Variants in HCRTR2 observed in about 807,000 individuals in gnomAD.
HCRTR2 encodes orexin receptor type 2.
A neutral mutation model predicts 49.0 loss-of-function variants in HCRTR2; 22 were observed. The ratio of observed to expected loss-of-function variants is 0.45; its 90% CI spans 0.32 to 0.64. The LOEUF (loss-of-function observed/expected upper bound fraction) is 0.64, where lower values mean the gene tolerates loss of function less well. HCRTR2 is among the 30% of genes least tolerant of loss of function. The probability of loss-of-function intolerance (pLI) is 0.04; values close to 1 mark genes in which losing one functional copy is unlikely to be tolerated. For missense variants in HCRTR2, 491 were observed against 559.4 expected (o/e 0.88, Z 1.23); for synonymous variants, 236 against 205.3 (o/e 1.15, Z -1.28).
At chr6:55,126,715 TGG>T (rs1457088875) in intron 1 of HCRTR2, among the ~76,000 whole-genome samples, 33 of 80,234 alleles carry the variant, frequency 4.1e-4, no homozygotes, top group Non-Finnish European at 1.1e-3. Flanking sequence ...CCCAGGGAGA[TGG>T]CGTTTTATCT....
chr6:55,208,322 A>AAAT (rs1193742834), intron 1 of HCRTR2, among the ~76,000 whole-genome samples: 12 of 146,504 alleles, frequency 8.2e-5, no homozygotes, highest in Middle Eastern at 6.9e-3. Flanking sequence ...CGAAAAATAA[A>AAAT]AAAATAAAAA....
At chr6:55,108,154 T>C (rs1763999769) in intron 1 of HCRTR2, among the ~76,000 whole-genome samples, 1 of 152,138 alleles carries the variant, frequency 6.6e-6, no homozygotes, top group African/African-American at 2.4e-5. Context: ...TCCTATATGA[T>C]AATCAGTGGT....
At chr6:55,222,612 G>GA (rs2127296498) in intron 1 of HCRTR2, among the ~76,000 whole-genome samples, 1 of 152,046 alleles carries the variant, frequency 6.6e-6, no homozygotes, top group Admixed American at 6.5e-5. Flanking sequence ...TACAAAAGAA[G>GA]AAAATCTTAT....
chr6:55,261,338 A>C (rs1766751923), intron 3 of HCRTR2, among the ~76,000 whole-genome samples: 2 of 152,198 alleles, frequency 1.3e-5, no homozygotes, highest in Non-Finnish European at 2.9e-5. Flanking sequence ...ATATGAAAAA[A>C]TGTTCAGTAT....
intron 3 of HCRTR2, among the ~76,000 whole-genome samples, chr6:55,260,481 C>T (rs528637083): frequency 6.6e-6 from 1 of 152,224 alleles, no homozygotes; most frequent in African/African-American, 2.4e-5. Context: ...AACTGGCCTG[C>T]TTTACAGGAT....
chr6:55,163,326 T>C (rs1027886227), intron 1 of HCRTR2, among the ~76,000 whole-genome samples: 2 of 152,136 alleles, frequency 1.3e-5, no homozygotes, highest in South Asian at 2.1e-4. Flanking sequence ...AAAACAATCC[T>C]AAGCAAAAAG....
intron 1 of HCRTR2, among the ~76,000 whole-genome samples, chr6:55,159,024 G>A (rs1764768164): frequency 6.6e-6 from 1 of 152,172 alleles, no homozygotes; most frequent in Admixed American, 6.5e-5. Flanking sequence ...ACACCGCACA[G>A]CAAGGGTCGA....
chr6:55,231,961 T>C lies in HCRTR2; in HGVS notation c.224-16678T>C, dbSNP rs565307229. ...TCCATCCACCTCACTCCTCCTGCTGTGATCAGTCTCTCCGTTTTTGTTCAT... is the reference window on the plus strand; with the variant it reads ...TCCATCCACCTCACTCCTCCTGCTGCGATCAGTCTCTCCGTTTTTGTTCAT... On this transcript the variant is annotated intron_variant, in intron 1 of 6. Coordinates refer to ENST00000370862, the MANE Select transcript of HCRTR2 (RefSeq NM_001384272.1). Among the ~76,000 whole-genome samples the C allele has an allele frequency of 9.7e-4, 148 of 152,306 alleles. 1 individual carries two copies. The highest frequency in any genetic ancestry group is 3.4e-3 in the African/African-American group (142 of 41,586).
intron 1 of HCRTR2, among the ~76,000 whole-genome samples, chr6:55,235,434 G>C (rs995683599): frequency 6.6e-6 from 1 of 152,050 alleles, no homozygotes; most frequent in African/African-American, 2.4e-5. Flanking sequence ...TAAATGTGTT[G>C]TAAATAACTT....
chr6:55,200,847 T>C (rs1043376297), intron 1 of HCRTR2, among the ~76,000 whole-genome samples: 2 of 152,304 alleles, frequency 1.3e-5, no homozygotes, highest in African/African-American at 4.8e-5. Context: ...TTAGAAAGTA[T>C]TTGTTGTTAT....
At chr6:55,180,558 C>G (rs368387363) in intron 1 of HCRTR2, among the ~76,000 whole-genome samples, 2 of 143,304 alleles carry the variant, frequency 1.4e-5, no homozygotes, top group South Asian at 4.5e-4. Context: ...GCCAAAAATG[C>G]TTTTACCTGT....
chr6:55,193,210 A>T (rs1349163303), intron 1 of HCRTR2, among the ~76,000 whole-genome samples: 1 of 152,326 alleles, frequency 6.6e-6, no homozygotes, highest in Admixed American at 6.5e-5. Flanking sequence ...CCTCAAGGAC[A>T]TGACAGCATC....
At chr6:55,226,720 T>G (rs1455132956) in intron 1 of HCRTR2, among the ~76,000 whole-genome samples, 4 of 134,414 alleles carry the variant, frequency 3.0e-5, no homozygotes, top group Non-Finnish European at 4.7e-5. Context: ...TGTTTTTTTT[T>G]TTTTTTTTTT....
At chr6:55,129,899 A>C (rs904357181) in intron 1 of HCRTR2, among the ~76,000 whole-genome samples, 3 of 152,006 alleles carry the variant, frequency 2.0e-5, no homozygotes, top group African/African-American at 7.2e-5. Context: ...TTAACCCCTT[A>C]GTCTCCCTAC....
chr6:55,196,671 AC>A (rs2127281582), intron 1 of HCRTR2, among the ~76,000 whole-genome samples: 1 of 152,296 alleles, frequency 6.6e-6, no homozygotes, highest in Non-Finnish European at 1.5e-5. Context: ...TAAAATAGGA[AC>A]CAACCTATAT....
At chr6:55,183,219 GA>G (rs1765162681) in intron 1 of HCRTR2, among the ~76,000 whole-genome samples, 2 of 152,238 alleles carry the variant, frequency 1.3e-5, no homozygotes, top group South Asian at 4.1e-4. Flanking sequence ...AAGTATTTGA[GA>G]AGGACACTTA....
chr6:55,122,160 A>G (rs1344250821), intron 1 of HCRTR2, among the ~76,000 whole-genome samples: 2 of 152,136 alleles, frequency 1.3e-5, no homozygotes, highest in Non-Finnish European at 2.9e-5. Flanking sequence ...TGGTCTATTC[A>G]GAGATTCAAC....
chr6:55,120,737 C>G (rs182817858), intron 1 of HCRTR2, among the ~76,000 whole-genome samples: 64 of 151,984 alleles, frequency 4.2e-4, no homozygotes, highest in Admixed American at 3.9e-3. Context: ...ATTTGAATAC[C>G]ATTTATTGCT....
At chr6:55,242,145 C>T (rs1285027437) in intron 1 of HCRTR2, among the ~76,000 whole-genome samples, 4 of 152,084 alleles carry the variant, frequency 2.6e-5, no homozygotes, top group African/African-American at 9.7e-5. Context: ...GCTGGGATTA[C>T]AGGCATGAGC....
Sources: allele counts gnomAD v4.1 joint callset (sites outside exome capture counted in the v4.1 genomes callset), GRCh38; gene constraint gnomAD v4.1.1; transcripts MANE v1.5; gene names NCBI Gene and HGNC (gene_info 2026-07-23, HGNC 2026-07-21).